Variants in ELAVL4 observed in about 807,000 individuals in gnomAD.
ELAVL4 encodes the protein ELAV like RNA binding protein 4.
Under a neutral mutation model 35.6 loss-of-function variants are expected in ELAVL4, and 1 was observed. The ratio of observed to expected loss-of-function variants is 0.03; its 90% CI spans 0.01 to 0.13. The LOEUF (loss-of-function observed/expected upper bound fraction) is 0.13, where lower values mean the gene tolerates loss of function less well. Ranked by LOEUF, ELAVL4 falls within the 10% of genes least tolerant of loss-of-function variation. The pLI is 1.00. For synonymous variants in ELAVL4, 156 were observed against 171.0 expected (o/e 0.91, Z 0.69); for missense variants, 267 against 464.9 (o/e 0.57, Z 3.91).
upstream of ELAVL4, among the ~76,000 whole-genome samples, chr1:50,100,803 G>T (rs1572175349): frequency 6.6e-6 from 1 of 152,112 alleles, no homozygotes; most frequent in East Asian, 1.9e-4. Flanking sequence ...ATTAGAACTG[G>T]AACAGACCAT....
intron 2 of ELAVL4, among the ~76,000 whole-genome samples, chr1:50,158,433 GTGTA>G (rs1051955017): frequency 6.6e-6 from 1 of 152,148 alleles, no homozygotes; most frequent in African/African-American, 2.4e-5. Context: ...GTCTGCATGT[GTGTA>G]TGTGTGTACC....
chr1:50,170,737 A>T (rs1678850776), intron 2 of ELAVL4, among the ~76,000 whole-genome samples: 1 of 152,210 alleles, frequency 6.6e-6, no homozygotes, highest in African/African-American at 2.4e-5. Flanking sequence ...CTTGAGTAGC[A>T]AGGTTTTAAA....
intron 2 of ELAVL4, among the ~76,000 whole-genome samples, chr1:50,154,752 TTG>T (rs35896145): frequency 0.34 from 49,702 of 147,056 alleles, 8,925 homozygotes; most frequent in East Asian, 0.59. Context: ...TTGTTATATT[TTG>T]TGTGTGTGTG....
chr1:50,111,457 C>A (rs935956518), intron 1 of ELAVL4, among the ~76,000 whole-genome samples: 6 of 151,388 alleles, frequency 4.0e-5, no homozygotes, highest in African/African-American at 1.5e-4. Context: ...ATAGATCTAC[C>A]CTAAGCAATG....
intron 3 of ELAVL4, among the ~76,000 whole-genome samples, chr1:50,182,953 G>A (rs1001199416): frequency 6.6e-6 from 1 of 151,654 alleles, no homozygotes; most frequent in Non-Finnish European, 1.5e-5. Flanking sequence ...CACCTCCCGG[G>A]ATCAAGCAAT....
chr1:50,135,072 A>G (rs1313066820), intron 1 of ELAVL4, among the ~76,000 whole-genome samples: 2 of 152,072 alleles, frequency 1.3e-5, no homozygotes, highest in African/African-American at 2.4e-5. Context: ...CTGCTATTTT[A>G]AGTATTAATG....
chr1:50,126,179 G>A (rs4593875), intron 1 of ELAVL4, among the ~76,000 whole-genome samples: 38,773 of 152,018 alleles, frequency 0.26, 5,155 homozygotes, highest in African/African-American at 0.32. Flanking sequence ...TTTCAAAAAA[G>A]TGAGCAGATA....
At position 50,192,872 on chromosome 1, in the gene ELAVL4, G is replaced by C. The variant is rs150599678; in HGVS notation, c.355-893G>C. Among the ~76,000 whole-genome samples the C allele has an allele frequency of 7.9e-5, 12 of 152,248 alleles. No individual in the cohort carries two copies. In the East Asian group the frequency reaches 1.5e-3, roughly 20 times the overall value. ...CTGCTGGGGTTTGCTTTGCTTATGT[G>C]TACTGCTACAGATTTGGCTTCTTGC... On this transcript the variant is annotated intron_variant, in intron 3 of 6. Transcript: ENST00000371824.
chr1:50,176,885 G>A (rs1005371834), intron 2 of ELAVL4, among the ~76,000 whole-genome samples: 2 of 152,210 alleles, frequency 1.3e-5, no homozygotes, highest in African/African-American at 4.8e-5. Context: ...AATAGCCAAT[G>A]AGAGTGAGAG....
intron 1 of ELAVL4, among the ~76,000 whole-genome samples, chr1:50,068,070 C>G (rs1308795603): frequency 6.6e-6 from 1 of 152,130 alleles, no homozygotes. Context: ...CCAGCCAAAC[C>G]ATATCACTTA....
At chr1:50,051,690 A>G (rs1663392574) in intron 1 of ELAVL4, among the ~76,000 whole-genome samples, 1 of 152,202 alleles carries the variant, frequency 6.6e-6, no homozygotes, top group Admixed American at 6.5e-5. Context: ...TGAGGCATCT[A>G]TCAACTTGTG....
At chr1:50,072,418 G>C (rs958801945) in intron 1 of ELAVL4, among the ~76,000 whole-genome samples, 1 of 152,178 alleles carries the variant, frequency 6.6e-6, no homozygotes, top group African/African-American at 2.4e-5. Context: ...CTCCAGCAGA[G>C]ACATGAGCAT....
At chr1:50,169,052 G>A (rs1162602299) in intron 2 of ELAVL4, among the ~76,000 whole-genome samples, 2 of 151,490 alleles carry the variant, frequency 1.3e-5, no homozygotes, top group Admixed American at 1.3e-4. Context: ...CCCACAACAG[G>A]TTGTCTGAAA....
At chr1:50,153,494 A>G (rs1200333672) in intron 2 of ELAVL4, among the ~76,000 whole-genome samples, 1 of 152,070 alleles carries the variant, frequency 6.6e-6, no homozygotes, top group African/African-American at 2.4e-5. Flanking sequence ...TTACCATACC[A>G]CTCTGTCTGT....
At chr1:50,140,063 A>G (rs1324538457) in intron 1 of ELAVL4, among the ~76,000 whole-genome samples, 2 of 152,200 alleles carry the variant, frequency 1.3e-5, no homozygotes, top group East Asian at 3.9e-4. Flanking sequence ...TTGTACATCC[A>G]TTAGAGTTCG....
chr1:50,085,640 G>A (rs571935407), intron 1 of ELAVL4, among the ~76,000 whole-genome samples: 31 of 152,266 alleles, frequency 2.0e-4, no homozygotes, highest in Non-Finnish European at 3.7e-4. Context: ...GCATATTTGC[G>A]TTGTCATTGC....
At chr1:50,069,774 C>T (rs568321744) in intron 1 of ELAVL4, among the ~76,000 whole-genome samples, 1 of 152,268 alleles carries the variant, frequency 6.6e-6, no homozygotes, top group South Asian at 2.1e-4. Flanking sequence ...CTTATCATCA[C>T]TCTCTGAACC....
intron 1 of ELAVL4, among the ~76,000 whole-genome samples, chr1:50,079,890 C>G (rs1009314140): frequency 3.9e-5 from 6 of 152,160 alleles, no homozygotes; most frequent in Non-Finnish European, 5.9e-5. Flanking sequence ...AGTATACACC[C>G]TTGTTTTATT....
In ELAVL4 at chr1:50,091,996, A is replaced by G. The variant is rs767282362; in HGVS notation, c.18+43814A>G. The stretch of plus-strand genomic sequence containing the variant: ...GTATCAGCTGATGGGTTTTTTGGCC[A>G]TTCTAGTTCACTGTAACTGACTCTG... On this transcript the variant is annotated intron_variant, in intron 1 of 6. Coordinates refer to the ELAVL4 transcript ENST00000448907. 3.2e-4 allele frequency among the ~76,000 whole-genome samples: 49 copies of G among 152,124 alleles called. 1 individual carries two copies. The highest frequency in any genetic ancestry group is 7.4e-5 in the Non-Finnish European group (5 of 68,016).
Sources: gnomAD v4.1 joint callset for allele counts (sites outside exome capture counted in the v4.1 genomes callset) on GRCh38, gnomAD v4.1.1 for gene constraint, MANE v1.5 for transcripts, NCBI Gene and HGNC (gene_info 2026-07-23, HGNC 2026-07-21) for gene names.